HS6ST1: variants seen among roughly 807,000 people sequenced by gnomAD.
HS6ST1 encodes the protein heparan sulfate 6-O-sulfotransferase 1.
HS6ST1 carries 3 observed loss-of-function variants against 25.2 expected under a neutral mutation model. The ratio of observed to expected loss-of-function variants is 0.12; its 90% confidence interval spans 0.05 to 0.31. HS6ST1 has a LOEUF of 0.31. Ranked by LOEUF, HS6ST1 falls within the 10% of genes least tolerant of loss-of-function variation. HS6ST1 has a pLI of 1.00. For missense variants in HS6ST1, 310 were observed against 609.6 expected, an observed-to-expected ratio of 0.51 and a Z score of 5.18; for synonymous variants, 204 against 275.1, an observed-to-expected ratio of 0.74 and a Z score of 2.56.
chr2:128,298,432 T>C (rs370764111), intron 1 of HS6ST1, among the ~76,000 whole-genome samples: 7 of 152,130 alleles, frequency 4.6e-5, no homozygotes, highest in Admixed American at 1.3e-4. Context: ...CACTGACAGA[T>C]GAAGGGATGA....
chr2:128,279,934 G>A (rs1342797691), intron 1 of HS6ST1, among the ~76,000 whole-genome samples: 1 of 152,148 alleles, frequency 6.6e-6, no homozygotes, highest in Non-Finnish European at 1.5e-5. Flanking sequence ...CTGACTGCTG[G>A]CCTTGCCCCA....
chr2:128,283,523 G>A (rs564453375), intron 1 of HS6ST1, among the ~76,000 whole-genome samples: 1 of 152,344 alleles, frequency 6.6e-6, no homozygotes, highest in African/African-American at 2.4e-5. Flanking sequence ...GTCCATGGAG[G>A]AGGTGACCCC....
At chr2:128,269,343 G>T (rs923637743) in intron 1 of HS6ST1, among the ~76,000 whole-genome samples, 1 of 148,312 alleles carries the variant, frequency 6.7e-6, no homozygotes, top group Admixed American at 6.7e-5. Flanking sequence ...GTGGTGGTTG[G>T]GGGGGGGGTG....
Position 128,268,275 on chromosome 2 carries a change from G to A in HS6ST1, c.1123C>T (p.Arg375Cys), listed in dbSNP as rs559410305. ...LERREQRLRSREERLLHRAKE... is the reference protein window; with the variant it reads ...LERREQRLRSCEERLLHRAKE... The stretch of plus-strand genomic sequence containing the variant: ...GCCCGGTGCAGCAGACGCTCCTCGC[G>A]GCTCCTCAGGCGCTGCTCCCTGCGC... The change falls in exon 2 of 2, where the codon CGC becomes TGC. Residue 375 changes from arginine (R) to cysteine (C), a missense_variant. This residue lies in a region of HS6ST1 where 140 missense variants were observed against 176.5 expected (regional missense o/e 0.79). Coordinates refer to ENST00000259241, the MANE Select transcript of HS6ST1 (RefSeq NM_004807.3). 6.0e-5 allele frequency: 96 copies of A among 1,612,430 alleles called. No homozygotes were observed. Among genetic ancestry groups the A allele is most frequent in the African/African-American group, 2.5e-4 (19 of 75,012 alleles).
At chr2:128,299,603 C>T (rs1694092033) in intron 1 of HS6ST1, among the ~76,000 whole-genome samples, 1 of 152,244 alleles carries the variant, frequency 6.6e-6, no homozygotes, top group African/African-American at 2.4e-5. Context: ...AGCTCACAAG[C>T]CGGTGAGGAG....
chr2:128,275,328 A>G, intron 1 of HS6ST1, among the ~76,000 whole-genome samples: 1 of 152,214 alleles, frequency 6.6e-6, no homozygotes, highest in East Asian at 1.9e-4. Context: ...GTGAGGGTGT[A>G]AGAACGCTTC....
intron 1 of HS6ST1, among the ~76,000 whole-genome samples, chr2:128,269,120 G>A (rs567325373): frequency 5.9e-5 from 9 of 152,348 alleles, no homozygotes; most frequent in African/African-American, 2.2e-4. Flanking sequence ...CCTCTGGAGG[G>A]ACAACCTGAC....
rs13415346 is a variant in HS6ST1, at chr2:128,303,885, A to C, written c.527+14152T>G. 3.9e-3 allele frequency among the ~76,000 whole-genome samples: 589 copies of C among 152,350 alleles called. 3 individuals carry two copies. The highest frequency in any genetic ancestry group is 0.013 in the African/African-American group (556 of 41,582). On this transcript the variant is annotated intron_variant, in intron 1 of 1. Transcript: ENST00000259241. ...GGCATTTGAATGGGTGGATTGAGAAAAGAAGACTGACTTCTCCAGCGTGAG... is the reference window on the plus strand; with the variant it reads ...GGCATTTGAATGGGTGGATTGAGAACAGAAGACTGACTTCTCCAGCGTGAG...
chr2:128,282,337 G>A lies in HS6ST1; in HGVS notation c.528-13467C>T, dbSNP rs1406237674. Among the ~76,000 whole-genome samples, 4 of 152,216 alleles carry A rather than the reference G, an allele frequency of 2.6e-5. No homozygotes were observed. The East Asian group carries it at 7.7e-4, about 29-fold the overall frequency. ...CCAGCAGCACCAGAGGGACAGAGCC[G>A]AAGCCCTGGACTCTGGCCCAACCTG... On this transcript the variant is annotated intron_variant, in intron 1 of 1. Transcript: ENST00000259241.
intron 1 of HS6ST1, among the ~76,000 whole-genome samples, chr2:128,316,312 G>T (rs1694361535): frequency 6.6e-6 from 1 of 152,250 alleles, no homozygotes; most frequent in South Asian, 2.1e-4. Context: ...TTGGCGGCCC[G>T]AAGCTTCCAC....
chr2:128,292,109 A>G (rs1693961782), intron 1 of HS6ST1, among the ~76,000 whole-genome samples: 1 of 152,150 alleles, frequency 6.6e-6, no homozygotes, highest in Admixed American at 6.5e-5. Flanking sequence ...AGGAGGGTGA[A>G]CTGAGGCCGG....
At chr2:128,292,289 C>T (rs1365429704) in intron 1 of HS6ST1, among the ~76,000 whole-genome samples, 3 of 152,218 alleles carry the variant, frequency 2.0e-5, no homozygotes, top group Non-Finnish European at 4.4e-5. Context: ...ATAGGGCCCA[C>T]GCCTGGCAGG....
At chr2:128,284,284 C>A (rs1693828277) in intron 1 of HS6ST1, among the ~76,000 whole-genome samples, 1 of 151,852 alleles carries the variant, frequency 6.6e-6, no homozygotes, top group South Asian at 2.1e-4. Flanking sequence ...GGCACCTGGT[C>A]CCCTCATCCA....
Position 128,268,560 on chromosome 2 carries a change from T to C in HS6ST1, c.838A>G (p.Ser280Gly). The C allele has an allele frequency of 6.2e-7, 1 of 1,601,924 alleles. No individual in the cohort carries two copies. Among genetic ancestry groups the C allele is most frequent in the Non-Finnish European group, 8.5e-7 (1 of 1,173,966 alleles). ...ATGCCCCGCAGGTTCTTCTTGGCGCTCTCGAGCAGCAGCTGGGCCCGCTTG... is the reference window on the plus strand; with the variant it reads ...ATGCCCCGCAGGTTCTTCTTGGCGCCCTCGAGCAGCAGCTGGGCCCGCTTG... ...EGKRAQLLLE[S>G]AKKNLRGMAF... Residue 280 changes from serine to glycine, a missense_variant, in exon 2 of 2, where the codon AGC (serine) becomes GGC (glycine). By Grantham distance (56) the Ser-to-Gly change is moderately conservative. Transcript: ENST00000259241.
chr2:128,276,927 C>T lies in HS6ST1; in HGVS notation c.528-8057G>A, dbSNP rs2104914600. Among the ~76,000 whole-genome samples, 3 of 152,292 alleles carry T rather than the reference C, an allele frequency of 2.0e-5. 1 individual carries two copies. In the Middle Eastern group the frequency reaches 0.01, roughly 518 times the overall value. On this transcript the variant is annotated intron_variant, in intron 1 of 1. Transcript: ENST00000259241. ...CAGGCTCCACAAAAGGGGTGGAGGGCCCCTGTGGGTATCAGTGAAGGAGGA... is the reference window on the plus strand; with the variant it reads ...CAGGCTCCACAAAAGGGGTGGAGGGTCCCTGTGGGTATCAGTGAAGGAGGA...
chr2:128,306,989 C>T (rs985781151), intron 1 of HS6ST1, among the ~76,000 whole-genome samples: 1 of 151,756 alleles, frequency 6.6e-6, no homozygotes, highest in Non-Finnish European at 1.5e-5. Flanking sequence ...AGGCAGGCTT[C>T]CCTCTGGGAA....
intron 1 of HS6ST1, among the ~76,000 whole-genome samples, chr2:128,314,816 G>A (rs966999430): frequency 6.6e-6 from 1 of 152,228 alleles, no homozygotes; most frequent in African/African-American, 2.4e-5. Context: ...CCACACTTGG[G>A]CTCCAGATGC....
chr2:128,295,231 T>C (rs1164148868), intron 1 of HS6ST1, among the ~76,000 whole-genome samples: 4 of 152,186 alleles, frequency 2.6e-5, no homozygotes, highest in Admixed American at 6.5e-5. Context: ...ACTGGCTCAT[T>C]TGGTTCTCTC....
intron 1 of HS6ST1, among the ~76,000 whole-genome samples, chr2:128,311,416 T>A (rs140141533): frequency 6.6e-6 from 1 of 152,204 alleles, no homozygotes; most frequent in Non-Finnish European, 1.5e-5. Context: ...GCCCTTCCAG[T>A]GGGGCTCCCA....
Sources: gnomAD v4.1 joint callset for allele counts (sites outside exome capture counted in the v4.1 genomes callset) on GRCh38, gnomAD v4.1.1 for gene constraint, gnomAD v4.1.1 regional missense constraint, MANE v1.5 for transcripts, NCBI Gene and HGNC (gene_info 2026-07-23, HGNC 2026-07-21) for gene names.